Variants in TLK1 observed in about 807,000 individuals in gnomAD.
The protein encoded by TLK1 is tousled like kinase 1.
In TLK1, 24 loss-of-function variants were observed where a neutral mutation model predicts 105.3. The observed-to-expected ratio is 0.23, with a 90% CI of 0.17 to 0.32. TLK1 has a LOEUF of 0.32. TLK1 is among the 10% of genes least tolerant of loss of function. The pLI is 1.00. For synonymous variants in TLK1, 321 were observed against 310.4 expected, an observed-to-expected ratio of 1.03 and a Z score of -0.36; for missense variants, 558 against 910.5, an observed-to-expected ratio of 0.61 and a Z score of 4.98.
chr2:171,097,908 G>C (rs1297737715), intron 2 of TLK1, among the ~76,000 whole-genome samples: 2 of 151,444 alleles, frequency 1.3e-5, no homozygotes, highest in African/African-American at 4.9e-5. Context: ...TTGGGTGACA[G>C]AGCAAGACTC....
chr2:171,139,163 T>A (rs1368691562), intron 1 of TLK1, among the ~76,000 whole-genome samples: 1 of 152,174 alleles, frequency 6.6e-6, no homozygotes, highest in Admixed American at 6.5e-5. Flanking sequence ...GAATAGGATA[T>A]ATATATACAC....
intron 1 of TLK1, among the ~76,000 whole-genome samples, chr2:171,168,324 A>G (rs1692647850): frequency 6.6e-6 from 1 of 152,198 alleles, no homozygotes; most frequent in South Asian, 2.1e-4. Flanking sequence ...CTTTGAAACA[A>G]TATGGGAATG....
chr2:171,058,320 G>C, intron 4 of TLK1, 123 bp from the exon 5 acceptor site: 1 of 848,638 alleles, frequency 1.2e-6, no homozygotes, highest in Non-Finnish European at 1.9e-6. Context: ...TTTCAATAGA[G>C]ACATGCCAAT....
intron 2 of TLK1, among the ~76,000 whole-genome samples, chr2:171,110,564 T>C (rs1222074802): frequency 6.6e-6 from 1 of 152,190 alleles, no homozygotes; most frequent in Non-Finnish European, 1.5e-5. Flanking sequence ...TCCAACAACA[T>C]GGATCAATCT....
chr2:171,192,133 A>G (rs1398289717), intron 1 of TLK1, among the ~76,000 whole-genome samples: 1 of 152,098 alleles, frequency 6.6e-6, no homozygotes, highest in Non-Finnish European at 1.5e-5. Flanking sequence ...GGCCCAGGTG[A>G]TCCTCCTACC....
At chr2:171,107,183 T>C (rs1178745377) in intron 2 of TLK1, among the ~76,000 whole-genome samples, 1 of 152,180 alleles carries the variant, frequency 6.6e-6, no homozygotes, top group Non-Finnish European at 1.5e-5. Context: ...CAGAGGTGAT[T>C]TGTGTAACTC....
At chr2:171,140,979 G>T (rs1254792936) in intron 1 of TLK1, among the ~76,000 whole-genome samples, 1 of 152,174 alleles carries the variant, frequency 6.6e-6, no homozygotes, top group African/African-American at 2.4e-5. Flanking sequence ...AGAACTCAGT[G>T]TATGAGTCTG....
At chr2:171,103,093 A>G (rs1398949813) in intron 2 of TLK1, among the ~76,000 whole-genome samples, 3 of 152,024 alleles carry the variant, frequency 2.0e-5, no homozygotes, top group East Asian at 3.9e-4. Flanking sequence ...ACAGCAAATA[A>G]TAACTGCCGT....
intron 1 of TLK1, among the ~76,000 whole-genome samples, chr2:171,178,185 AAGAT>A (rs1416466660): frequency 1.3e-5 from 2 of 152,318 alleles, no homozygotes; most frequent in Non-Finnish European, 2.9e-5. Context: ...TAAACTCTAT[AAGAT>A]AGATAATATT....
chr2:171,207,191 C>A (rs919220156), intron 1 of TLK1, among the ~76,000 whole-genome samples: 1 of 152,078 alleles, frequency 6.6e-6, no homozygotes, highest in African/African-American at 2.4e-5. Flanking sequence ...GGACATCCTA[C>A]AAGGGAATAT....
At chr2:171,186,972 C>T (rs1454751578) in intron 1 of TLK1, among the ~76,000 whole-genome samples, 1 of 135,632 alleles carries the variant, frequency 7.4e-6, no homozygotes, top group African/African-American at 2.8e-5. Context: ...GCAGAAGAAT[C>T]GTTTGAACCT....
At chr2:171,091,278 G>C (rs1449913409) in intron 2 of TLK1, among the ~76,000 whole-genome samples, 1 of 152,152 alleles carries the variant, frequency 6.6e-6, no homozygotes, top group Non-Finnish European at 1.5e-5. Flanking sequence ...TTCAATGCTT[G>C]AGAGGAGCTA....
chr2:171,033,489 A>G (rs928069802), intron 11 of TLK1, among the ~76,000 whole-genome samples: 2 of 151,838 alleles, frequency 1.3e-5, no homozygotes, highest in Non-Finnish European at 2.9e-5. Context: ...AATGAATAAG[A>G]TCTAGTATTT....
chr2:171,063,615 AT>A (rs1361240072), intron 3 of TLK1, among the ~76,000 whole-genome samples: 1 of 152,152 alleles, frequency 6.6e-6, no homozygotes, highest in Non-Finnish European at 1.5e-5. Context: ...TGGAAACAGC[AT>A]TTTCTAGCTA....
intron 2 of TLK1, among the ~76,000 whole-genome samples, chr2:171,092,522 T>C (rs1468505709): frequency 6.6e-6 from 1 of 152,252 alleles, no homozygotes. Context: ...CAAATATCTC[T>C]TTAGTTCACT....
intron 2 of TLK1, among the ~76,000 whole-genome samples, chr2:171,100,375 A>C (rs1176271373): frequency 1.3e-5 from 2 of 152,108 alleles, no homozygotes; most frequent in Non-Finnish European, 1.5e-5. Context: ...CTCTTGCAGT[A>C]ATGAGTGAGT....
intron 13 of TLK1, among the ~76,000 whole-genome samples, chr2:171,014,408 C>A (rs1455429125): frequency 2.7e-5 from 4 of 150,586 alleles, no homozygotes; most frequent in Non-Finnish European, 5.9e-5. Flanking sequence ...ACTATGTTGA[C>A]AAGGCTGGTT....
chr2:170,998,214 G>C (rs1684176642), intron 18 of TLK1, among the ~76,000 whole-genome samples: 1 of 152,116 alleles, frequency 6.6e-6, no homozygotes, highest in Non-Finnish European at 1.5e-5. Flanking sequence ...CTTAACCACT[G>C]TTCAAACTGT....
chr2:171,124,257 G>T (rs913152000), intron 1 of TLK1, among the ~76,000 whole-genome samples: 5 of 152,208 alleles, frequency 3.3e-5, no homozygotes, highest in Non-Finnish European at 7.3e-5. Context: ...TTGAATATCA[G>T]TTGCCACTGA....
Sources: gnomAD v4.1 joint callset for allele counts (sites outside exome capture counted in the v4.1 genomes callset) on GRCh38, gnomAD v4.1.1 for gene constraint, MANE v1.5 for transcripts, NCBI Gene and HGNC (gene_info 2026-07-23, HGNC 2026-07-21) for gene names.